Variants in SLC30A8 observed in about 807,000 individuals in gnomAD.
SLC30A8 encodes proton-coupled zinc antiporter SLC30A8.
In SLC30A8, 27 loss-of-function variants were observed where a neutral mutation model predicts 36.9. The observed-to-expected ratio is 0.73, with a 90% CI of 0.54 to 1.01. SLC30A8 has a LOEUF of 1.01. Among genes scored for constraint, SLC30A8 ranks in the 50% least tolerant of loss-of-function variants. SLC30A8 has a pLI of 0.00. For synonymous variants in SLC30A8, 164 were observed against 172.4 expected (o/e 0.95, Z 0.38); for missense variants, 439 against 452.0 (o/e 0.97, Z 0.26).
At chr8:117,016,918 C>T (rs907865987) in intron 1 of SLC30A8, among the ~76,000 whole-genome samples, 1 of 151,968 alleles carries the variant, frequency 6.6e-6, no homozygotes, top group African/African-American at 2.4e-5. Context: ...ATGTTATATT[C>T]ATCTAGCATG....
chr8:117,078,638 T>C (rs1319635853), intron 2 of SLC30A8, among the ~76,000 whole-genome samples: 1 of 152,218 alleles, frequency 6.6e-6, no homozygotes, highest in East Asian at 1.9e-4. Context: ...GATATATTTA[T>C]ATTATGTCAC....
chr8:117,127,700 A>G (rs939891040), intron 2 of SLC30A8, among the ~76,000 whole-genome samples: 11 of 152,000 alleles, frequency 7.2e-5, no homozygotes, highest in African/African-American at 2.4e-4. Flanking sequence ...GTGGTGTGTG[A>G]TGTTGTTTTT....
chr8:117,125,221 G>A (rs547328228), intron 2 of SLC30A8, among the ~76,000 whole-genome samples: 1 of 152,014 alleles, frequency 6.6e-6, no homozygotes, highest in Admixed American at 6.6e-5. Context: ...TGAGATTCTT[G>A]AATCTAGTCT....
At chr8:117,097,627 TA>T (rs1819465389) in intron 2 of SLC30A8, among the ~76,000 whole-genome samples, 1 of 82,294 alleles carries the variant, frequency 1.2e-5, no homozygotes, top group African/African-American at 7.0e-5. Flanking sequence ...TAATATATAT[TA>T]TATATAATAT....
intron 2 of SLC30A8, among the ~76,000 whole-genome samples, chr8:117,062,280 C>A (rs575830468): frequency 6.6e-6 from 1 of 152,190 alleles, no homozygotes; most frequent in South Asian, 2.1e-4. Flanking sequence ...ATGTCTGAGA[C>A]TCGGTAATTT....
intron 4 of SLC30A8, 75 bp from the exon 5 acceptor site, chr8:117,161,663 C>T: frequency 7.1e-7 from 1 of 1,418,198 alleles, no homozygotes; most frequent in Non-Finnish European, 9.6e-7. Context: ...CATGTTATTG[C>T]CAGCTTCTCC....
At chr8:117,032,569 T>A (rs1026262765) in intron 1 of SLC30A8, among the ~76,000 whole-genome samples, 3 of 152,228 alleles carry the variant, frequency 2.0e-5, no homozygotes, top group African/African-American at 4.8e-5. Context: ...TCAAAGTTTT[T>A]AAAATTCTAA....
chr8:116,985,295 C>T (rs1323997698), intron 1 of SLC30A8, among the ~76,000 whole-genome samples: 1 of 32,666 alleles, frequency 3.1e-5, no homozygotes. Context: ...CACACACATA[C>T]ACACACACAC....
chr8:117,049,241 A>G lies in SLC30A8; in HGVS notation c.-226+9983A>G, dbSNP rs112059770. Among the ~76,000 whole-genome samples, 720 of 152,258 alleles carry G rather than the reference A, an allele frequency of 4.7e-3. 4 individuals carry two copies. The highest frequency in any genetic ancestry group is 0.017 in the African/African-American group (690 of 41,546). On this transcript the variant is annotated intron_variant, in intron 2 of 10. Transcript: ENST00000427715. ...CTGCATTGGCCTTTAATGGTGTTCT[A>G]GTTATCCTTGTGGTCACTACATAAT...
At chr8:116,994,746 C>T (rs1815759440) in intron 1 of SLC30A8, among the ~76,000 whole-genome samples, 1 of 151,922 alleles carries the variant, frequency 6.6e-6, no homozygotes, top group African/African-American at 2.4e-5. Context: ...TTTATGAATC[C>T]TTCTGTATGT....
At chr8:117,045,952 T>C (rs1407733155) in intron 2 of SLC30A8, among the ~76,000 whole-genome samples, 3 of 152,048 alleles carry the variant, frequency 2.0e-5, no homozygotes, top group African/African-American at 4.8e-5. Context: ...TTCTTTCTTT[T>C]TTTTTTTAAA....
chr8:117,098,226 A>G (rs1375734672), intron 2 of SLC30A8, among the ~76,000 whole-genome samples: 1 of 151,184 alleles, frequency 6.6e-6, no homozygotes, highest in Non-Finnish European at 1.5e-5. Context: ...CGGTCATCTC[A>G]TTTTTCTATG....
At chr8:117,042,844 T>G (rs1365223771) in intron 2 of SLC30A8, among the ~76,000 whole-genome samples, 1 of 152,082 alleles carries the variant, frequency 6.6e-6, no homozygotes, top group Non-Finnish European at 1.5e-5. Flanking sequence ...ACCGGCTAAT[T>G]TTTGTATTTT....
At chr8:117,056,845 A>G (rs1817886822) in intron 2 of SLC30A8, among the ~76,000 whole-genome samples, 1 of 152,096 alleles carries the variant, frequency 6.6e-6, no homozygotes, top group Non-Finnish European at 1.5e-5. Flanking sequence ...GATGTTTCCA[A>G]ATATAGGGAG....
chr8:116,992,848 CT>C (rs2082177213), intron 1 of SLC30A8, among the ~76,000 whole-genome samples: 1 of 152,076 alleles, frequency 6.6e-6, no homozygotes, highest in Non-Finnish European at 1.5e-5. Flanking sequence ...AGCTGTAATC[CT>C]TGAGAGAAAT....
intron 1 of SLC30A8, among the ~76,000 whole-genome samples, chr8:116,976,175 C>G (rs1297010536): frequency 6.6e-6 from 1 of 151,688 alleles, no homozygotes. Context: ...AAAAATTAGC[C>G]AGGTGTGGTG....
At chr8:117,094,297 A>T (rs1819263203) in intron 2 of SLC30A8, among the ~76,000 whole-genome samples, 1 of 152,224 alleles carries the variant, frequency 6.6e-6, no homozygotes, top group South Asian at 2.1e-4. Context: ...TGAAGTACAC[A>T]GACAAGTGGA....
intron 6 of SLC30A8, among the ~76,000 whole-genome samples, chr8:117,166,766 A>ATTTTT (rs71305462): frequency 1.7e-4 from 22 of 128,652 alleles, no homozygotes; most frequent in East Asian, 7.1e-4. Flanking sequence ...ACATTAGCTG[A>ATTTTT]TTTTTTTTTT....
At chr8:117,050,131 C>T (rs1223783643) in intron 2 of SLC30A8, among the ~76,000 whole-genome samples, 1 of 152,168 alleles carries the variant, frequency 6.6e-6, no homozygotes, top group African/African-American at 2.4e-5. Context: ...TGCCACATCT[C>T]TGCAAAGCAG....
Sources: gnomAD v4.1 joint callset for allele counts (sites outside exome capture counted in the v4.1 genomes callset) on GRCh38, gnomAD v4.1.1 for gene constraint, MANE v1.5 for transcripts, NCBI Gene and HGNC (gene_info 2026-07-23, HGNC 2026-07-21) for gene names.